Variants in PCDH19 observed in about 807,000 individuals in gnomAD.
The protein encoded by PCDH19 is protocadherin 19.
PCDH19 carries 6 observed loss-of-function variants against 46.2 expected under a neutral mutation model. That is an observed-to-expected ratio of 0.13 (90% CI 0.07 to 0.26). The LOEUF (loss-of-function observed/expected upper bound fraction) is 0.26, where lower values mean the gene tolerates loss of function less well. PCDH19 is among the 10% of genes least tolerant of loss of function. The pLI is 1.00. For missense variants in PCDH19, 740 were observed against 972.3 expected, an observed-to-expected ratio of 0.76 and a Z score of 3.18; for synonymous variants, 481 against 415.7, an observed-to-expected ratio of 1.16 and a Z score of -1.91.
chrX:100,404,612 C>CTT (rs11419892), intron 1 of PCDH19, among the ~76,000 whole-genome samples: 167 of 98,570 alleles, frequency 1.7e-3, no homozygotes, highest in African/African-American at 2.6e-3. Context: ...GAGATTTACT[C>CTT]TTTTTTTTTT....
intron 1 of PCDH19, among the ~76,000 whole-genome samples, chrX:100,405,136 T>C (rs1928306473): frequency 8.9e-6 from 1 of 112,291 alleles, no homozygotes; most frequent in Non-Finnish European, 1.9e-5. Flanking sequence ...CTGTTACATA[T>C]TCAGGGGGCT....
chrX:100,369,149 A>G (rs910549844), intron 3 of PCDH19, among the ~76,000 whole-genome samples: 1 of 111,629 alleles, frequency 9.0e-6, no homozygotes, highest in Non-Finnish European at 1.9e-5. Flanking sequence ...CAGTAAATTT[A>G]AAAATTTCCC....
At chrX:100,388,891 A>G (rs779328076) in intron 3 of PCDH19, among the ~76,000 whole-genome samples, 2 of 111,615 alleles carry the variant, frequency 1.8e-5, no homozygotes, top group Non-Finnish European at 3.8e-5. Flanking sequence ...ACTTTTTAGT[A>G]GTAAGTAGGC....
At chrX:100,394,719 G>A (rs1166860583) in intron 3 of PCDH19, among the ~76,000 whole-genome samples, 1 of 111,263 alleles carries the variant, frequency 9.0e-6, no homozygotes, top group Non-Finnish European at 1.9e-5. Flanking sequence ...ATCTTTTCTG[G>A]ACACTATATT....
At chrX:100,353,260 G>A (rs1602602070) in intron 3 of PCDH19, among the ~76,000 whole-genome samples, 1 of 112,035 alleles carries the variant, frequency 8.9e-6, no homozygotes, top group East Asian at 2.8e-4. Context: ...ATACAAAAAG[G>A]AAATCTAGAG....
Position 100,394,883 on chromosome X carries a change from A to ATTTT in PCDH19, c.2616+7637_2616+7640dup, listed in dbSNP as rs139332001. On this transcript the variant is annotated intron_variant, in intron 3 of 5. Coordinates refer to ENST00000373034, the MANE Select transcript of PCDH19 (RefSeq NM_001184880.2). Reference sequence around the variant, plus strand: ...AAATCTTGTCAATTTGAGGAATCTAATTTTTTTTTTTTTTTTTTTTTTGAG... The same window carrying ATTTT: ...AAATCTTGTCAATTTGAGGAATCTAATTTTTTTTTTTTTTTTTTTTTTTTTTGAG... Among the ~76,000 whole-genome samples the ATTTT allele has an allele frequency of 2.0e-4, 14 of 71,572 alleles. 1 individual carries two copies. Among genetic ancestry groups the ATTTT allele is most frequent in the African/African-American group, 2.6e-4 (5 of 19,141 alleles). 62.2% of individuals were successfully genotyped at this position (71,572 alleles called of 115,157 possible).
chrX:100,329,115 G>C (rs780463298), intron 5 of PCDH19, among the ~76,000 whole-genome samples: 1 of 111,879 alleles, frequency 8.9e-6, no homozygotes, highest in Non-Finnish European at 1.9e-5. Context: ...CCTACCCTCC[G>C]GCTAACCAGG....
At chrX:100,403,052 G>A (rs187691605) in intron 2 of PCDH19, among the ~76,000 whole-genome samples, 71 of 111,238 alleles carry the variant, frequency 6.4e-4, no homozygotes, top group Non-Finnish European at 1.3e-3. Flanking sequence ...ATTAAACATA[G>A]TAACCTCCCA....
chrX:100,347,790 C>T lies in PCDH19; in HGVS notation c.2675+2856G>A, dbSNP rs998578463. On this transcript the variant is annotated intron_variant, in intron 4 of 5. Transcript: ENST00000373034. ...AGAAAAATAAGTTCTCAGCCAGGCACGGTGGCTCACACCTGTAATCTCAGC... is the reference window on the plus strand; with the variant it reads ...AGAAAAATAAGTTCTCAGCCAGGCATGGTGGCTCACACCTGTAATCTCAGC... Among the ~76,000 whole-genome samples the T allele has an allele frequency of 1.4e-4, 16 of 110,740 alleles. 1 individual carries two copies. The highest frequency in any genetic ancestry group is 6.7e-4 in the Admixed American group (7 of 10,398).
At chrX:100,377,361 G>A (rs1569306341) in intron 3 of PCDH19, among the ~76,000 whole-genome samples, 1 of 111,620 alleles carries the variant, frequency 9.0e-6, no homozygotes, top group Non-Finnish European at 1.9e-5. Context: ...CTTTAAATAC[G>A]CCAGATACTA....
chrX:100,371,889 C>CAA (rs1240426120), intron 3 of PCDH19, among the ~76,000 whole-genome samples: 4 of 105,919 alleles, frequency 3.8e-5, no homozygotes, highest in Non-Finnish European at 7.7e-5. Context: ...CACACCCACA[C>CAA]AAAACTTAAA....
intron 3 of PCDH19, among the ~76,000 whole-genome samples, chrX:100,370,612 G>A (rs750522388): frequency 1.8e-5 from 2 of 111,668 alleles, no homozygotes; most frequent in South Asian, 3.7e-4. Context: ...CTATTACAAG[G>A]AACTAAAAAT....
chrX:100,403,456 C>CTA, intron 2 of PCDH19, 68 bp downstream of exon 2: 1 of 1,120,836 alleles, frequency 8.9e-7, no homozygotes, highest in Non-Finnish European at 1.2e-6. Flanking sequence ...ACTCACCCCC[C>CTA]GACCCCCTCC....
At position 100,313,128 on chromosome X, in the gene PCDH19, G is replaced by A. The variant is rs944597330; in HGVS notation, c.2849-16253C>T. Among the ~76,000 whole-genome samples, 15 of 111,822 alleles carry A rather than the reference G, an allele frequency of 1.3e-4. 1 individual carries two copies. The Admixed American group carries it at 1.4e-3, about 11-fold the overall frequency. On this transcript the variant is annotated intron_variant, in intron 5 of 5. Transcript: ENST00000373034. ...CCAGGCTGGTAAATTTAAATGTTCT[G>A]TCCATCTTTAGATCATGTATCTTTA...
In PCDH19 at chrX:100,322,865, A is replaced by ATATTTTTTTTTTT; in HGVS notation, c.2848+19037_2848+19038insAAAAAAAAAAATA. ...TATATATATATATATATATATATAT[A>ATATTTTTTTTTTT]TTTTTGCAGCTATTGTAAAAGGGGT... On this transcript the variant is annotated intron_variant, in intron 5 of 5. Coordinates refer to ENST00000373034, the MANE Select transcript of PCDH19 (RefSeq NM_001184880.2). Among the ~76,000 whole-genome samples, 231 of 54,307 alleles carry ATATTTTTTTTTTT rather than the reference A, an allele frequency of 4.3e-3. 5 individuals carry two copies. The highest frequency in any genetic ancestry group is 6.0e-3 in the Non-Finnish European group (180 of 30,140). 47.2% of individuals were successfully genotyped at this position (54,307 alleles called of 115,157 possible). A position where few individuals can be genotyped will look rare whatever the true frequency, so the allele number is the denominator to read the frequency against.
chrX:100,314,381 C>G (rs1464257554), intron 5 of PCDH19, among the ~76,000 whole-genome samples: 1 of 111,932 alleles, frequency 8.9e-6, no homozygotes, highest in Non-Finnish European at 1.9e-5. Flanking sequence ...CTTCCCCACT[C>G]AACTAGACAC....
At chrX:100,369,597 A>C (rs1265030227) in intron 3 of PCDH19, among the ~76,000 whole-genome samples, 1 of 112,379 alleles carries the variant, frequency 8.9e-6, no homozygotes, top group Non-Finnish European at 1.9e-5. Context: ...GCTTTTGTGA[A>C]AGTTTAGTTT....
chrX:100,367,086 C>T (rs1927085890), intron 3 of PCDH19, among the ~76,000 whole-genome samples: 1 of 112,655 alleles, frequency 8.9e-6, no homozygotes, highest in African/African-American at 3.2e-5. Flanking sequence ...AAAAACAGAT[C>T]ATTCAGAGGC....
At chrX:100,400,253 T>C (rs957653392) in intron 3 of PCDH19, among the ~76,000 whole-genome samples, 1 of 112,234 alleles carries the variant, frequency 8.9e-6, no homozygotes, top group Non-Finnish European at 1.9e-5. Flanking sequence ...CCTCTTTGGT[T>C]ACAAGTGCCT....
Sources: gnomAD v4.1 joint callset for allele counts (sites outside exome capture counted in the v4.1 genomes callset) on GRCh38, gnomAD v4.1.1 for gene constraint, MANE v1.5 for transcripts, NCBI Gene and HGNC (gene_info 2026-07-23, HGNC 2026-07-21) for gene names.